The following PIGQ variants were observed in gnomAD, a reference collection of about 807,000 sequenced individuals.
The protein encoded by PIGQ is phosphatidylinositol N-acetylglucosaminyltransferase subunit Q.
Under a neutral mutation model 60.3 loss-of-function variants are expected in PIGQ, and 54 were observed. The ratio of observed to expected loss-of-function variants is 0.90; its 90% CI spans 0.72 to 1.12. The LOEUF is 1.12. Ranked by LOEUF, PIGQ falls within the 50% of genes most tolerant of loss-of-function variation. The probability of loss-of-function intolerance (pLI) is 0.00; values close to 1 mark genes in which losing one functional copy is unlikely to be tolerated. For missense variants in PIGQ, 799 were observed against 793.5 expected (o/e 1.01, Z -0.08); for synonymous variants, 416 against 363.7 (o/e 1.14, Z -1.64).
At chr16:578,196 C>T (rs547361612) in intron 4 of PIGQ, 183 bp from the exon 5 acceptor site, 181 of 606,448 alleles carry the variant, frequency 3.0e-4, no homozygotes, top group African/African-American at 2.4e-3. Context: ...AGACCAGCCT[C>T]CTCAGACCCC....
Position 583,146 on chromosome 16 carries a change from T to G in PIGQ, c.*111T>G. On this transcript the variant is annotated 3_prime_UTR_variant, in exon 11 of 11. Coordinates refer to ENST00000321878, the MANE Select transcript of PIGQ (RefSeq NM_004204.5). Reference sequence around the variant, plus strand: ...GTCCTGTGCTTTGTGGACGCTGCTGTGTGCTCCTGAACACGGCAGGCCCTG... The same window carrying G: ...GTCCTGTGCTTTGTGGACGCTGCTGGGTGCTCCTGAACACGGCAGGCCCTG... The G allele has an allele frequency of 2.5e-6, 4 of 1,613,304 alleles. No individual in the cohort carries two copies. The South Asian group carries it at 4.4e-5, about 18-fold the overall frequency.
intron 9 of PIGQ, among the ~76,000 whole-genome samples, chr16:581,524 G>A (rs1352794566): frequency 3.9e-5 from 6 of 151,940 alleles, no homozygotes; most frequent in Non-Finnish European, 8.8e-5. Context: ...GTGCAATGGC[G>A]CAATCTCGGC....
Position 574,604 on chromosome 16 carries a change from G to C in PIGQ, c.530G>C (p.Arg177Pro). ...GTAGCACGCAGTGAGGTGCTCTTCC[G>C]CAGTGACCGCTTTGATGAGGGCCCC... ...DTVARSEVLF[R>P]SDRFDEGPVR... Residue 177 changes from arginine (R) to proline (P), a missense_variant, in exon 2 of 11, where the codon CGC becomes CCC. By Grantham distance (103) the Arg-to-Pro change is moderately radical (BLOSUM62 -2). Transcript: ENST00000321878. 6.2e-7 allele frequency: 1 copy of C among 1,605,254 alleles called. No homozygotes were observed.
intron 8 of PIGQ, 129 bp from the exon 9 acceptor site, chr16:580,729 G>A: frequency 1.4e-6 from 1 of 691,942 alleles, no homozygotes; most frequent in Non-Finnish European, 2.6e-6. Context: ...CCTGCTCAGG[G>A]TGGGGTCCCT....
chr16:571,745 A>T (rs1596380960), intron 1 of PIGQ, among the ~76,000 whole-genome samples: 1 of 152,042 alleles, frequency 6.6e-6, no homozygotes, highest in East Asian at 1.9e-4. Flanking sequence ...AGCAGCTGCT[A>T]GTGCAGGCTT....
chr16:578,522 C>CGG lies in PIGQ; in HGVS notation c.1069+21_1069+22dup, dbSNP rs777354878. On this transcript the variant is annotated intron_variant, in intron 5 of 10. Transcript: ENST00000321878. ...TGTGGATCAGTGAGTGCAGGGCAGGCGGGGGCCCCAGGGACCCCAGAGCTT... is the reference window on the plus strand; with the variant it reads ...TGTGGATCAGTGAGTGCAGGGCAGGCGGGGGGGCCCCAGGGACCCCAGAGCTT... 1.9e-6 allele frequency: 3 copies of CGG among 1,607,028 alleles called. No homozygotes were observed. Among genetic ancestry groups the CGG allele is most frequent in the Non-Finnish European group, 2.5e-6 (3 of 1,176,736 alleles).
At position 574,299 on chromosome 16, in the gene PIGQ, G is replaced by C; in HGVS notation, c.225G>C (p.Glu75Asp). ...TWCHCRQEPE[E>D]SLGRFLESLG... is the part of the protein sequence containing the mutation. ...GCCACTGCCGGCAGGAGCCCGAGGA[G>C]AGCCTGGGCCGCTTCCTGGAGAGCC... Residue 75 changes from glutamate (E) to aspartate (D), a missense_variant, in exon 2 of 11, where the codon GAG becomes GAC. Physicochemically the swap from Glu to Asp is conservative, Grantham distance 45. Coordinates refer to ENST00000321878, the MANE Select transcript of PIGQ (RefSeq NM_004204.5). The C allele has an allele frequency of 6.2e-7, 1 of 1,606,494 alleles. No homozygotes were observed. The highest frequency in any genetic ancestry group is 8.5e-7 in the Non-Finnish European group (1 of 1,179,052).
At chr16:572,971 G>A (rs1040119718) in intron 1 of PIGQ, among the ~76,000 whole-genome samples, 1 of 152,252 alleles carries the variant, frequency 6.6e-6, no homozygotes, top group Non-Finnish European at 1.5e-5. Context: ...GCGAGATGGG[G>A]CTTTCTGTGT....
At chr16:581,508 G>C (rs553866406) in intron 9 of PIGQ, among the ~76,000 whole-genome samples, 1 of 152,068 alleles carries the variant, frequency 6.6e-6, no homozygotes, top group Admixed American at 6.5e-5. Flanking sequence ...TGTCGCCCAG[G>C]CTGGAGTGCA....
Position 582,245 on chromosome 16 carries a change from C to T in PIGQ, c.1532-3C>T, listed in dbSNP as rs868195306. 6.2e-7 allele frequency: 1 copy of T among 1,600,076 alleles called. No individual in the cohort carries two copies. Among genetic ancestry groups the T allele is most frequent in the Non-Finnish European group, 8.5e-7 (1 of 1,172,030 alleles). On this transcript the variant is annotated splice_region_variant and splice_polypyrimidine_tract_variant and intron_variant, in intron 9 of 10. Transcript: ENST00000321878. ...CCTCGTCAGCCGCTTGCTATCCTTGCAGCTGGCGTGAAGTTCCGTGTCCTC... is the reference window on the plus strand; with the variant it reads ...CCTCGTCAGCCGCTTGCTATCCTTGTAGCTGGCGTGAAGTTCCGTGTCCTC...
In PIGQ at chr16:574,269, C is replaced by T; in HGVS notation, c.195C>T (p.Thr65=). 1 of 1,607,644 alleles carries T rather than the reference C, an allele frequency of 6.2e-7. No individual in the cohort carries two copies. Among genetic ancestry groups the T allele is most frequent in the Non-Finnish European group, 8.5e-7 (1 of 1,179,094 alleles). ...ASQVGVAVLG[T]WCHCRQEPEE... ...AGGTGGGCGTGGCCGTGCTGGGCACCTGGTGCCACTGCCGGCAGGAGCCCG... is the reference window on the plus strand; with the variant it reads ...AGGTGGGCGTGGCCGTGCTGGGCACTTGGTGCCACTGCCGGCAGGAGCCCG... The change falls in exon 2 of 11, where the codon ACC becomes ACT. Residue 65 remains threonine (T), a synonymous_variant. Transcript: ENST00000321878.
Position 579,066 on chromosome 16 carries a change from T to C in PIGQ, c.1224-3T>C. On this transcript the variant is annotated splice_region_variant and splice_polypyrimidine_tract_variant and intron_variant, in intron 6 of 10. Coordinates refer to ENST00000321878, the MANE Select transcript of PIGQ (RefSeq NM_004204.5). ...CCGGGCCCGACAGCACTGCGTCCTG[T>C]AGGCTGTACTGCCTGAAGATCCATG... 6.2e-7 allele frequency: 1 copy of C among 1,611,564 alleles called. No homozygotes were observed. Among genetic ancestry groups the C allele is most frequent in the Non-Finnish European group, 8.5e-7 (1 of 1,179,090 alleles).
In PIGQ at chr16:574,323, C is replaced by T. The variant is rs1172104522; in HGVS notation, c.249C>T (p.Ser83=). 1.9e-6 allele frequency: 3 copies of T among 1,607,672 alleles called. No homozygotes were observed. The highest frequency in any genetic ancestry group is 2.5e-6 in the Non-Finnish European group (3 of 1,179,318). The part of the protein sequence containing the change: ...PEESLGRFLE[S]LGAVFPHEPW... ...AGAGCCTGGGCCGCTTCCTGGAGAG[C>T]CTGGGTGCTGTCTTCCCCCATGAGC... The change falls in exon 2 of 11, where the codon AGC becomes AGT. Residue 83 remains serine (S), a synonymous_variant. Coordinates refer to ENST00000321878, the MANE Select transcript of PIGQ (RefSeq NM_004204.5).
At chr16:579,370 C>T (rs2035776259) in intron 7 of PIGQ, 190 bp downstream of exon 7, 1 of 602,874 alleles carries the variant, frequency 1.7e-6, no homozygotes, top group Admixed American at 2.9e-5. Context: ...CGCAGAGCTT[C>T]CCTGGGCCAC....
chr16:584,100 C>T lies in PIGQ; in HGVS notation c.*1065C>T, dbSNP rs1346178942. ...GCTGCTGTGACAATAAAACCTGCCC[C>T]GTGTCTGGAGCGCAGGCTCGGTCCC... On this transcript the variant is annotated 3_prime_UTR_variant, in exon 11 of 11. Transcript: ENST00000321878. The T allele has an allele frequency of 2.3e-5, 6 of 264,696 alleles. No homozygotes were observed. Among genetic ancestry groups the T allele is most frequent in the African/African-American group, 6.7e-5 (3 of 44,748 alleles). 16.4% of individuals were successfully genotyped at this position (264,696 alleles called of 1,614,324 possible).
chr16:576,232 A>G lies in PIGQ; in HGVS notation c.920A>G (p.Asp307Gly). The change falls in exon 4 of 11, where the codon GAC becomes GGC. Residue 307 changes from aspartate (D) to glycine (G), a missense_variant. By Grantham distance (94) the Asp-to-Gly change is moderately conservative. Transcript: ENST00000321878. ...HGRSRIGHLA[D>G]ALVPVADHVA... ...AGAAGCCGCATCGGGCATCTGGCCG[A>G]CGCCCTCGTTCCTGTGGCTGACGTG... 6.4e-7 allele frequency: 1 copy of G among 1,553,014 alleles called. No individual in the cohort carries two copies. The highest frequency in any genetic ancestry group is 8.7e-7 in the Non-Finnish European group (1 of 1,148,504).
chr16:584,070 C>A lies in PIGQ; in HGVS notation c.*1035C>A, dbSNP rs774460971. 1 of 290,414 alleles carries A rather than the reference C, an allele frequency of 3.4e-6. No homozygotes were observed. Among genetic ancestry groups the A allele is most frequent in the Non-Finnish European group, 6.9e-6 (1 of 145,860 alleles). 18.0% of individuals were successfully genotyped at this position (290,414 alleles called of 1,614,324 possible). Reference sequence around the variant, plus strand: ...CCTGGCAACCCAGCACCGGGGAAGCCGTCAGCTGCTGTGACAATAAAACCT... The same window carrying A: ...CCTGGCAACCCAGCACCGGGGAAGCAGTCAGCTGCTGTGACAATAAAACCT... On this transcript the variant is annotated 3_prime_UTR_variant, in exon 11 of 11. Coordinates refer to ENST00000321878, the MANE Select transcript of PIGQ (RefSeq NM_004204.5).
intron 4 of PIGQ, 45 bp from the exon 5 acceptor site, chr16:578,334 G>A (rs375526666): frequency 5.8e-5 from 91 of 1,581,748 alleles, no homozygotes; most frequent in Non-Finnish European, 7.5e-5. Context: ...TGCAGGTGCT[G>A]AGCCTGGCTG....
chr16:580,487 G>A (rs935218424), intron 8 of PIGQ: 3 of 551,802 alleles, frequency 5.4e-6, no homozygotes, highest in Admixed American at 6.2e-5. Context: ...AGCTGGGTGC[G>A]TGGTGGAAGG....
Sources: gnomAD v4.1 joint callset for allele counts (sites outside exome capture counted in the v4.1 genomes callset) on GRCh38, gnomAD v4.1.1 for gene constraint, MANE v1.5 for transcripts, NCBI Gene and HGNC (gene_info 2026-07-23, HGNC 2026-07-21) for gene names.